Variants in OVCH2 observed in about 807,000 individuals in gnomAD.
OVCH2 encodes the protein ovochymase-2.
A neutral mutation model predicts 73.7 loss-of-function variants in OVCH2; 88 were observed. The observed-to-expected ratio is 1.19, with a 90% CI of 1.01 to 1.43. The LOEUF (loss-of-function observed/expected upper bound fraction) is 1.43. OVCH2 is among the 40% of genes most tolerant of loss of function. The pLI, the probability that OVCH2 is intolerant of heterozygous loss-of-function variation, is 0.00. For synonymous variants in OVCH2, 265 were observed against 234.5 expected, an observed-to-expected ratio of 1.13 and a Z score of -1.19; for missense variants, 706 against 674.5, an observed-to-expected ratio of 1.05 and a Z score of -0.52.
In OVCH2 at chr11:7,694,883, G is replaced by C. The variant is rs146967963; in HGVS notation, c.1413+175C>G. On this transcript the variant is annotated intron_variant, in intron 12 of 15. Transcript: ENST00000533663. Reference sequence around the variant, plus strand: ...AAAATGTGTAGTTGCAGGGGAAACTGGGCGGATCCATTATTCAGCAAGTAT... The same window carrying C: ...AAAATGTGTAGTTGCAGGGGAAACTCGGCGGATCCATTATTCAGCAAGTAT... 1.2e-3 allele frequency among the ~76,000 whole-genome samples: 181 copies of C among 148,134 alleles called. 1 individual carries two copies. Among genetic ancestry groups the C allele is most frequent in the African/African-American group, 4.3e-3 (173 of 40,264 alleles).
intron 2 of OVCH2, 32 bp downstream of exon 2, chr11:7,704,533 G>A: frequency 1.4e-6 from 2 of 1,427,950 alleles, no homozygotes; most frequent in Non-Finnish European, 2.0e-6. Flanking sequence ...ATCTAGCACA[G>A]TTCTTGATGC....
chr11:7,693,220 C>T (rs1856255984), intron 12 of OVCH2, among the ~76,000 whole-genome samples: 1 of 152,100 alleles, frequency 6.6e-6, no homozygotes, highest in Non-Finnish European at 1.5e-5. Flanking sequence ...GAGCAAGAAA[C>T]AGAAAGGATT....
chr11:7,704,528 G>A (rs549657310), intron 2 of OVCH2, 37 bp downstream of exon 2: 16 of 1,372,664 alleles, frequency 1.2e-5, no homozygotes, highest in Non-Finnish European at 1.6e-5. Flanking sequence ...ATAATATCTA[G>A]CACAGTTCTT....
chr11:7,684,884 A>AT (rs1565163936), downstream of OVCH2, among the ~76,000 whole-genome samples: 1 of 152,152 alleles, frequency 6.6e-6, no homozygotes, highest in Non-Finnish European at 1.5e-5. Context: ...TTAAGGGGGA[A>AT]ATTCTGAGAA....
chr11:7,692,060 C>G (rs531084921), intron 12 of OVCH2, 65 bp from the exon 13 acceptor site: 1 of 1,235,084 alleles, frequency 8.1e-7, no homozygotes, highest in East Asian at 2.5e-5. Flanking sequence ...TTTGATTCAG[C>G]AGAGAAATTT....
Position 7,700,280 on chromosome 11 carries a change from GT to G in OVCH2, c.901+15del. ...CAGAATGGCAGCTTCTTAACCTTGT[GT>G]GATGGCTTAGTTACCAGTTTGGATG... is the stretch of plus-strand genomic sequence containing the variant. On this transcript the variant is annotated intron_variant, in intron 7 of 15. Coordinates refer to ENST00000533663, the MANE Select transcript of OVCH2 (RefSeq NM_198185.7). 6.2e-7 allele frequency: 1 copy of G among 1,611,766 alleles called. No individual in the cohort carries two copies. Among genetic ancestry groups the G allele is most frequent in the African/African-American group, 1.3e-5 (1 of 75,020 alleles).
Position 7,689,610 on chromosome 11 carries a change from TA to T in OVCH2, c.*32-9del, listed in dbSNP as rs909249451. 5.2e-5 allele frequency: 25 copies of T among 479,968 alleles called. No individual in the cohort carries two copies. The Admixed American group carries it at 5.5e-4, about 11-fold the overall frequency. The allele number at this position is 479,968 out of a possible 1,614,324, so 29.7% of individuals were successfully genotyped here. ...TCACTGGTGCCCCTTGGCCTGTAGA[TA>T]ATGTATTGCCCCAACCTCTGCCTTC... On this transcript the variant is annotated splice_polypyrimidine_tract_variant and intron_variant, in intron 15 of 15. Transcript: ENST00000533663.
rs751256813 is a variant in OVCH2 at position 7,696,801 on chromosome 11, T to C, written c.926-2A>G. Reference sequence around the variant, plus strand: ...TGACATCCTGCTCACTGCACCAGGCTGGGAGGGAAAGCCAGGAGAGTCAGG... The same window carrying C: ...TGACATCCTGCTCACTGCACCAGGCCGGGAGGGAAAGCCAGGAGAGTCAGG... On this transcript the variant is annotated splice_acceptor_variant, in intron 8 of 15. Transcript: ENST00000533663. LOFTEE classifies it high-confidence loss of function. The C allele has an allele frequency of 1.2e-6, 2 of 1,605,660 alleles. No individual in the cohort carries two copies. The highest frequency in any genetic ancestry group is 2.2e-5 in the South Asian group (2 of 89,508).
At chr11:7,690,476 A>T (rs796232661) in intron 14 of OVCH2, among the ~76,000 whole-genome samples, 10 of 148,086 alleles carry the variant, frequency 6.8e-5, no homozygotes, top group African/African-American at 2.5e-4. Context: ...AATGAGTCTG[A>T]GGTGACTCTT....
At chr11:7,701,624 G>A in intron 5 of OVCH2, 92 bp downstream of exon 5, 2 of 1,487,580 alleles carry the variant, frequency 1.3e-6, no homozygotes, top group Non-Finnish European at 1.8e-6. Context: ...ATGCACAATC[G>A]ATTTTTAAAA....
intron 4 of OVCH2, 82 bp downstream of exon 4, chr11:7,702,075 G>A (rs968676899): frequency 1.3e-5 from 16 of 1,266,360 alleles, no homozygotes; most frequent in African/African-American, 1.2e-4. Flanking sequence ...GACCCAGAAC[G>A]TATACTGCAG....
At chr11:7,678,843 C>T in the OVCH2 span, among the ~76,000 whole-genome samples, 1 of 152,216 alleles carries the variant, frequency 6.6e-6, no homozygotes, top group Non-Finnish European at 1.5e-5. Flanking sequence ...CTAATATTCT[C>T]ATTACCTGGG....
chr11:7,701,258 A>T, intron 6 of OVCH2, 66 bp downstream of exon 6: 1 of 1,517,836 alleles, frequency 6.6e-7, no homozygotes, highest in Non-Finnish European at 8.8e-7. Flanking sequence ...ATTTAAGAAA[A>T]CTAGAAGAAA....
At chr11:7,679,383 A>G in the OVCH2 span, among the ~76,000 whole-genome samples, 45,904 of 151,984 alleles carry the variant, frequency 0.3, 8,027 homozygotes, top group African/African-American at 0.48. Flanking sequence ...GATATGGTTT[A>G]GGTCTGTATC....
At position 7,691,368 on chromosome 11, in the gene OVCH2, CAG is replaced by C; in HGVS notation, c.1538_1539del (p.Pro513ArgfsTer16). 6.2e-7 allele frequency: 1 copy of C among 1,613,796 alleles called. No individual in the cohort carries two copies. The highest frequency in any genetic ancestry group is 8.5e-7 in the Non-Finnish European group (1 of 1,179,832). On this transcript the variant is annotated frameshift_variant, in exon 14 of 16. Coordinates refer to ENST00000533663, the MANE Select transcript of OVCH2 (RefSeq NM_198185.7). LOFTEE classifies it high-confidence loss of function. ...AGCATGATGCTGGAGGGGCTCAGCA[CAG>C]GGGTGGGGACATCATAGCCACACAG... is the stretch of plus-strand genomic sequence containing the variant. ...ARLCGYDVPT[P>X]VLSPSSIMLI...
At chr11:7,683,106 C>T in the OVCH2 span, among the ~76,000 whole-genome samples, 2 of 152,326 alleles carry the variant, frequency 1.3e-5, no homozygotes, top group Admixed American at 6.5e-5. Flanking sequence ...ATCCTGGGTT[C>T]ATATATCAAC....
At chr11:7,684,470 C>CTA (rs755430614), downstream of OVCH2, among the ~76,000 whole-genome samples, 4,435 of 120,502 alleles carry the variant, frequency 0.037, 89 homozygotes, top group African/African-American at 0.074. Flanking sequence ...GCCCTCAAAC[C>CTA]TATATATATA....
chr11:7,697,324 G>A (rs551784161), intron 8 of OVCH2, among the ~76,000 whole-genome samples: 1 of 152,196 alleles, frequency 6.6e-6, no homozygotes, highest in African/African-American at 2.4e-5. Flanking sequence ...TTACAGGCGT[G>A]AGCCACCTCT....
At position 7,702,290 on chromosome 11, in the gene OVCH2, A is replaced by G; in HGVS notation, c.330T>C (p.Tyr110=). The G allele has an allele frequency of 2.5e-6, 4 of 1,610,376 alleles. No individual in the cohort carries two copies. Among genetic ancestry groups the G allele is most frequent in the Non-Finnish European group, 3.4e-6 (4 of 1,178,666 alleles). Residue 110 remains tyrosine, a synonymous_variant, in exon 4 of 16, where the codon TAT becomes TAC. Coordinates refer to ENST00000533663, the MANE Select transcript of OVCH2 (RefSeq NM_198185.7). ...CTCCTGGGTCTGTCTGGCTTAAGTC[A>G]TACTCTCCAGCAGTAACATTCAAAG... ...VSTLNVTAGE[Y]DLSQTDPGEQ...
Sources: allele counts gnomAD v4.1 joint callset (sites outside exome capture counted in the v4.1 genomes callset), GRCh38; gene constraint gnomAD v4.1.1; transcripts MANE v1.5; gene names NCBI Gene and HGNC (gene_info 2026-07-23, HGNC 2026-07-21).